GABRA2: variants seen among roughly 807,000 people sequenced by gnomAD.
GABRA2 encodes the protein gamma-aminobutyric acid type A receptor subunit alpha2, also known as gamma-aminobutyric acid receptor subunit alpha-2.
A neutral mutation model predicts 48.7 loss-of-function variants in GABRA2; 16 were observed. That is an observed-to-expected ratio of 0.33 (90% confidence interval 0.22 to 0.50). The LOEUF is 0.50. Ranked by LOEUF, GABRA2 falls within the 20% of genes least tolerant of loss-of-function variation. The pLI, the probability that GABRA2 is intolerant of heterozygous loss-of-function variation, is 0.98. For synonymous variants in GABRA2, 185 were observed against 184.5 expected, an observed-to-expected ratio of 1.00 and a Z score of -0.02; for missense variants, 275 against 535.6, an observed-to-expected ratio of 0.51 and a Z score of 4.80.
chr4:46,384,598 A>G (rs538151349), intron 3 of GABRA2, among the ~76,000 whole-genome samples: 3 of 152,324 alleles, frequency 2.0e-5, no homozygotes, highest in Non-Finnish European at 2.9e-5. Context: ...TTAAAATTTG[A>G]CAGCAGGTGA....
intron 8 of GABRA2, among the ~76,000 whole-genome samples, chr4:46,284,385 T>C (rs1026526115): frequency 8.5e-5 from 13 of 152,184 alleles, no homozygotes; most frequent in African/African-American, 2.4e-4. Context: ...TGCTTTCTTA[T>C]ATTGTCAACA....
At chr4:46,387,734 G>A (rs1301069353) in intron 2 of GABRA2, among the ~76,000 whole-genome samples, 4 of 152,002 alleles carry the variant, frequency 2.6e-5, no homozygotes, top group Non-Finnish European at 5.9e-5. Flanking sequence ...TCAATTCTAA[G>A]AAATGTTTTC....
intron 8 of GABRA2, among the ~76,000 whole-genome samples, chr4:46,291,776 C>CATATATATGT (rs1553906975): frequency 2.1e-5 from 3 of 144,806 alleles, no homozygotes; most frequent in East Asian, 2.0e-4. Flanking sequence ...TAAACACACA[C>CATATATATGT]ATATATATAT....
intron 5 of GABRA2, among the ~76,000 whole-genome samples, chr4:46,311,853 C>A (rs541203462): frequency 1.3e-5 from 2 of 152,308 alleles, no homozygotes; most frequent in African/African-American, 2.4e-5. Flanking sequence ...AATCCCAGCA[C>A]TTTGGGATGC....
At chr4:46,370,921 C>T (rs376805342) in intron 3 of GABRA2, among the ~76,000 whole-genome samples, 1 of 151,960 alleles carries the variant, frequency 6.6e-6, no homozygotes, top group East Asian at 1.9e-4. Context: ...CACACACACA[C>T]AAAACCACAG....
chr4:46,272,927 G>T (rs189274275), intron 8 of GABRA2, among the ~76,000 whole-genome samples: 7 of 151,884 alleles, frequency 4.6e-5, no homozygotes, highest in African/African-American at 1.7e-4. Context: ...GTAAGTTCTG[G>T]GGTACGTGTG....
intron 8 of GABRA2, among the ~76,000 whole-genome samples, chr4:46,285,959 AAGAG>A: frequency 6.6e-6 from 1 of 152,234 alleles, no homozygotes; most frequent in African/African-American, 2.4e-5. Context: ...TATTTTACAG[AAGAG>A]AGATTCATAT....
intron 3 of GABRA2, chr4:46,366,973 T>C (rs961526232): frequency 6.6e-6 from 1 of 152,078 alleles, no homozygotes; most frequent in Non-Finnish European, 1.5e-5. Context: ...TTGTATGCAT[T>C]ACAGATGACT....
intron 8 of GABRA2, among the ~76,000 whole-genome samples, chr4:46,288,051 C>G (rs1722894579): frequency 6.6e-6 from 1 of 152,128 alleles, no homozygotes; most frequent in South Asian, 2.1e-4. Flanking sequence ...GACTTATTCA[C>G]TATCATGAGA....
At chr4:46,311,824 C>T (rs141707603) in intron 5 of GABRA2, among the ~76,000 whole-genome samples, 6 of 152,274 alleles carry the variant, frequency 3.9e-5, no homozygotes, top group Admixed American at 2.0e-4. Flanking sequence ...TTAGGCTGAG[C>T]GTGGAGGCTC....
chr4:46,262,091 G>A lies in GABRA2; in HGVS notation c.894C>T (p.Ile298=), dbSNP rs772283773. The part of the protein sequence containing the change: ...TTVLTMTTLS[I]SARNSLPKVA... Reference sequence around the variant, plus strand: ...CTTTGGGGAGAGAATTCCGAGCACTGATGCTTAGAGTTGTCATTGTTAGGA... The same window carrying A: ...CTTTGGGGAGAGAATTCCGAGCACTAATGCTTAGAGTTGTCATTGTTAGGA... Residue 298 remains isoleucine, a synonymous_variant, in exon 9 of 10, where the codon ATC becomes ATT. Transcript: ENST00000381620. The A allele has an allele frequency of 6.2e-7, 1 of 1,613,674 alleles. No individual in the cohort carries two copies. The highest frequency in any genetic ancestry group is 1.1e-5 in the South Asian group (1 of 91,076).
chr4:46,331,416 C>T (rs548073913), intron 4 of GABRA2, among the ~76,000 whole-genome samples: 35 of 152,148 alleles, frequency 2.3e-4, no homozygotes, highest in East Asian at 9.7e-4. Context: ...GGTTCTCTAA[C>T]GGAAACGTAG....
chr4:46,289,776 C>G (rs1036615986), intron 8 of GABRA2, among the ~76,000 whole-genome samples: 2 of 152,048 alleles, frequency 1.3e-5, no homozygotes, highest in Non-Finnish European at 2.9e-5. Flanking sequence ...CAATTCTATT[C>G]CATTGATCTA....
Position 46,244,823 on chromosome 4 carries a change from T to G in GABRA2, c.*5485A>C, listed in dbSNP as rs1713408775. Among the ~76,000 whole-genome samples, 1 of 151,444 alleles carries G rather than the reference T, an allele frequency of 6.6e-6. No individual in the cohort carries two copies. Among genetic ancestry groups the G allele is most frequent in the African/African-American group, 2.4e-5 (1 of 41,394 alleles). ...CAGAAACTAAATTGTACCAAAGAAG[T>G]TAGTAAATAGCTAGCATCACAAAAA... On this transcript the variant is annotated 3_prime_UTR_variant, in exon 10 of 10. Transcript: ENST00000381620.
chr4:46,273,981 C>T (rs1719997107), intron 8 of GABRA2, among the ~76,000 whole-genome samples: 1 of 152,008 alleles, frequency 6.6e-6, no homozygotes, highest in Non-Finnish European at 1.5e-5. Flanking sequence ...GAGAGCTTTA[C>T]TCATATATCT....
At chr4:46,254,181 T>C (rs1341382863) in intron 9 of GABRA2, among the ~76,000 whole-genome samples, 2 of 151,474 alleles carry the variant, frequency 1.3e-5, no homozygotes, top group African/African-American at 4.8e-5. Context: ...TAAAAATAAC[T>C]GTGTTGGGAG....
intron 3 of GABRA2, among the ~76,000 whole-genome samples, chr4:46,349,923 A>G (rs576381477): frequency 5.0e-4 from 76 of 152,068 alleles, no homozygotes; most frequent in African/African-American, 1.8e-3. Flanking sequence ...AAGAACTTTT[A>G]GAAACTTAAG....
At chr4:46,314,732 T>C (rs1450172790) in intron 4 of GABRA2, among the ~76,000 whole-genome samples, 1 of 152,086 alleles carries the variant, frequency 6.6e-6, no homozygotes, top group Non-Finnish European at 1.5e-5. Context: ...AGTGAGAACA[T>C]GCATTATTTG....
intron 8 of GABRA2, among the ~76,000 whole-genome samples, chr4:46,303,016 T>C (rs1447373088): frequency 1.3e-5 from 2 of 152,214 alleles, no homozygotes; most frequent in Non-Finnish European, 2.9e-5. Context: ...ATTGTATTTC[T>C]TGGCCTATAA....
Sources: allele counts gnomAD v4.1 joint callset (sites outside exome capture counted in the v4.1 genomes callset), GRCh38; gene constraint gnomAD v4.1.1; transcripts MANE v1.5; gene names NCBI Gene and HGNC (gene_info 2026-07-23, HGNC 2026-07-21).